The following KIF13A variants were observed in gnomAD, a reference collection of about 807,000 sequenced individuals.
KIF13A encodes the protein kinesin family member 13A, also known as kinesin-like protein KIF13A.
KIF13A carries 79 observed loss-of-function variants against 212.2 expected under a neutral mutation model. That is an observed-to-expected ratio of 0.37 (90% CI 0.31 to 0.45). The LOEUF is 0.45. Among genes scored for constraint, KIF13A ranks in the 20% least tolerant of loss-of-function variants. The probability of loss-of-function intolerance (pLI) is 1.00; values close to 1 mark genes in which losing one functional copy is unlikely to be tolerated. For synonymous variants in KIF13A, 789 were observed against 808.6 expected, an observed-to-expected ratio of 0.98 and a Z score of 0.41; for missense variants, 1,901 against 2,209.0, an observed-to-expected ratio of 0.86 and a Z score of 2.79.
Position 17,809,801 on chromosome 6 carries a change from C to T in KIF13A, c.2001-871G>A, listed in dbSNP as rs182195901. On this transcript the variant is annotated intron_variant, in intron 17 of 38. Transcript: ENST00000259711. The surrounding 1 kb of genome is among the most constrained non-coding windows in gnomAD (Gnocchi z 4.7). The stretch of plus-strand genomic sequence containing the variant: ...CTTCTCTTTTCCACCATTTATACGC[C>T]GCAGGAAATGCTTACATCATAGAAA... Among the ~76,000 whole-genome samples, 5 of 152,156 alleles carry T rather than the reference C, an allele frequency of 3.3e-5. No individual in the cohort carries two copies. The highest frequency in any genetic ancestry group is 7.3e-5 in the Non-Finnish European group (5 of 68,038).
rs562009613 is a variant in KIF13A, at chr6:17,897,994, T to C, written c.159+174A>G. On this transcript the variant is annotated intron_variant, in intron 3 of 38. Transcript: ENST00000259711. This position sits in a 1 kb window ranked among gnomAD's most constrained non-coding sequence, Gnocchi z 4.8. The stretch of plus-strand genomic sequence containing the variant: ...GTGAAAGTGCTCTGTCAATGTAGAG[T>C]GACACTCTAACTTTATGTTAACACT... Among the ~76,000 whole-genome samples, 1 of 152,314 alleles carries C rather than the reference T, an allele frequency of 6.6e-6. No individual in the cohort carries two copies. The highest frequency in any genetic ancestry group is 2.1e-4 in the South Asian group (1 of 4,832).
intron 2 of KIF13A, among the ~76,000 whole-genome samples, chr6:17,923,788 A>G (rs1053890879): frequency 1.3e-5 from 2 of 152,158 alleles, no homozygotes; most frequent in African/African-American, 4.8e-5. Context: ...CCTTTTCACC[A>G]GTGTCTGAGC....
At chr6:17,979,721 T>A in intron 2 of KIF13A, among the ~76,000 whole-genome samples, 1 of 150,248 alleles carries the variant, frequency 6.7e-6, no homozygotes, top group Non-Finnish European at 1.5e-5. Context: ...ATCATTAATG[T>A]CCTCAGAGAA....
At position 17,839,874 on chromosome 6, in the gene KIF13A, C is replaced by G. The variant is rs142831592; in HGVS notation, c.831-2291G>C. 7.6e-4 allele frequency among the ~76,000 whole-genome samples: 115 copies of G among 152,196 alleles called. No individual in the cohort carries two copies. The highest frequency in any genetic ancestry group is 2.6e-3 in the African/African-American group (106 of 41,528). ...TCTGACCTGCTAAGAGGGAACAAAC[C>G]CTGCTGACCCCTTGATTTCAGATTT... is the stretch of plus-strand genomic sequence containing the variant. On this transcript the variant is annotated intron_variant, in intron 9 of 38. Coordinates refer to ENST00000259711, the MANE Select transcript of KIF13A (RefSeq NM_022113.6). The surrounding 1 kb of genome is among the most constrained non-coding windows in gnomAD (Gnocchi z 4.3).
chr6:17,826,612 C>T lies in KIF13A; in HGVS notation c.1533-488G>A, dbSNP rs1056509246. Among the ~76,000 whole-genome samples the T allele has an allele frequency of 3.3e-5, 5 of 151,936 alleles. No individual in the cohort carries two copies. Among genetic ancestry groups the T allele is most frequent in the Admixed American group, 2.0e-4 (3 of 15,238 alleles). On this transcript the variant is annotated intron_variant, in intron 14 of 38. Transcript: ENST00000259711. This position sits in a 1 kb window ranked among gnomAD's most constrained non-coding sequence, Gnocchi z 4.7. ...AGGGATAAACAGACACACACACACACAGAAGAGAGGAAGAGGAAACCCATT... is the reference window on the plus strand; with the variant it reads ...AGGGATAAACAGACACACACACACATAGAAGAGAGGAAGAGGAAACCCATT...
downstream of KIF13A, among the ~76,000 whole-genome samples, chr6:17,763,475 C>CAAAAAAAAAAAAAAA (rs67357010): frequency 2.6e-5 from 2 of 75,768 alleles, no homozygotes; most frequent in Admixed American, 1.8e-4. Context: ...CACTCCATCT[C>CAAAAAAAAAAAAAAA]AAAAAAAAAA....
At chr6:17,903,865 C>A (rs1051268054) in intron 2 of KIF13A, among the ~76,000 whole-genome samples, 2 of 152,050 alleles carry the variant, frequency 1.3e-5, no homozygotes, top group South Asian at 2.1e-4. Context: ...AGTTGCCAGG[C>A]GGCGTGGCTC....
At position 17,777,530 on chromosome 6, in the gene KIF13A, G is replaced by A. The variant is rs1005184045; in HGVS notation, c.4093-176C>T. 2.0e-5 allele frequency among the ~76,000 whole-genome samples: 3 copies of A among 151,842 alleles called. No individual in the cohort carries two copies. The highest frequency in any genetic ancestry group is 4.2e-4 in the South Asian group (2 of 4,804). On this transcript the variant is annotated intron_variant, in intron 33 of 38. Transcript: ENST00000259711. The surrounding 1 kb of genome is among the most constrained non-coding windows in gnomAD (Gnocchi z 4.4). ...TGAGTAGCTGGGACTACAGGTGCAC[G>A]CCACCACACTCGGCTAATTTTTTTT...
intron 2 of KIF13A, among the ~76,000 whole-genome samples, chr6:17,906,701 C>T (rs1296389655): frequency 6.6e-6 from 1 of 152,100 alleles, no homozygotes; most frequent in African/African-American, 2.4e-5. Context: ...CCTCTTGCCT[C>T]AGCCTCTCAA....
chr6:17,891,943 T>C (rs1174500335), intron 3 of KIF13A, among the ~76,000 whole-genome samples: 1 of 152,160 alleles, frequency 6.6e-6, no homozygotes, highest in African/African-American at 2.4e-5. Flanking sequence ...TCTCATGTCT[T>C]CTATTCCACT....
chr6:17,808,679 A>G, intron 18 of KIF13A, 89 bp downstream of exon 18: 1 of 1,246,948 alleles, frequency 8.0e-7, no homozygotes, highest in Non-Finnish European at 1.1e-6. Context: ...GGATCTCCTC[A>G]GGCATGTTTC....
Position 17,777,666 on chromosome 6 carries a change from G to A in KIF13A, c.4093-312C>T, listed in dbSNP as rs900361421. Among the ~76,000 whole-genome samples, 4 of 152,106 alleles carry A rather than the reference G, an allele frequency of 2.6e-5. No individual in the cohort carries two copies. Among genetic ancestry groups the A allele is most frequent in the African/African-American group, 9.7e-5 (4 of 41,424 alleles). ...CCCAAAGTGTTAGGATTACAGGCGT[G>A]AGCCACCGCACCCGGCCATTACTTT... On this transcript the variant is annotated intron_variant, in intron 33 of 38. Coordinates refer to ENST00000259711, the MANE Select transcript of KIF13A (RefSeq NM_022113.6). The surrounding 1 kb of genome is among the most constrained non-coding windows in gnomAD (Gnocchi z 4.4).
At position 17,895,767 on chromosome 6, in the gene KIF13A, CT is replaced by C. The variant is rs1772503687; in HGVS notation, c.159+2400del. ...TCTAAATTTTTACCTCTTTCTGGAT[CT>C]TGGTCTAGTAATTCCTCACTAACTT... On this transcript the variant is annotated intron_variant, in intron 3 of 38. Coordinates refer to ENST00000259711, the MANE Select transcript of KIF13A (RefSeq NM_022113.6). This position sits in a 1 kb window ranked among gnomAD's most constrained non-coding sequence, Gnocchi z 4.4. 6.6e-6 allele frequency among the ~76,000 whole-genome samples: 1 copy of C among 152,186 alleles called. No homozygotes were observed. Among genetic ancestry groups the C allele is most frequent in the South Asian group, 2.1e-4 (1 of 4,836 alleles).
At chr6:17,821,552 G>GTGTGTGTGTGT (rs1554172080) in intron 16 of KIF13A, among the ~76,000 whole-genome samples, 23 of 112,094 alleles carry the variant, frequency 2.1e-4, no homozygotes, top group African/African-American at 6.7e-4. Context: ...ATTGGGACAT[G>GTGTGTGTGTGT]GTGTGTGTGT....
chr6:17,855,988 G>T lies in KIF13A; in HGVS notation c.313+42C>A. The T allele has an allele frequency of 7.4e-7, 1 of 1,349,824 alleles. No individual in the cohort carries two copies. The highest frequency in any genetic ancestry group is 1.1e-6 in the Non-Finnish European group (1 of 944,472). 83.6% of individuals were successfully genotyped at this position (1,349,824 alleles called of 1,614,324 possible). A position where few individuals can be genotyped will look rare whatever the true frequency, so the allele number is the denominator to read the frequency against. On this transcript the variant is annotated intron_variant, in intron 5 of 38. Transcript: ENST00000259711. The surrounding 1 kb of genome is among the most constrained non-coding windows in gnomAD (Gnocchi z 4.1). ...AGCCTCACCAAGTCCTGGGATTATA[G>T]GCATGATCCCCCACATCTGGTCTAT...
At chr6:17,890,504 A>C (rs1469890139) in intron 3 of KIF13A, among the ~76,000 whole-genome samples, 2 of 152,170 alleles carry the variant, frequency 1.3e-5, no homozygotes, top group East Asian at 3.9e-4. Context: ...TAGAGCATAC[A>C]TAATGGCATA....
At chr6:17,821,713 G>A in intron 16 of KIF13A, 3 of 1,491,536 alleles carry the variant, frequency 2.0e-6, no homozygotes, top group South Asian at 1.3e-5. Context: ...AAAGCATGGA[G>A]CATGAGCATC....
At chr6:17,950,219 T>C (rs1777736290) in intron 2 of KIF13A, among the ~76,000 whole-genome samples, 1 of 152,160 alleles carries the variant, frequency 6.6e-6, no homozygotes, top group African/African-American at 2.4e-5. Context: ...GTATCTGATT[T>C]TTCCTGTTGA....
At chr6:17,882,724 G>A (rs1028004898) in intron 3 of KIF13A, among the ~76,000 whole-genome samples, 2 of 152,050 alleles carry the variant, frequency 1.3e-5, no homozygotes, top group East Asian at 3.9e-4. Context: ...ACCACGCCTG[G>A]CTAATTTTTG....
Sources: allele counts gnomAD v4.1 joint callset (sites outside exome capture counted in the v4.1 genomes callset), GRCh38; gene constraint gnomAD v4.1.1; non-coding constraint Gnocchi (gnomAD v3.1); transcripts MANE v1.5; gene names NCBI Gene and HGNC (gene_info 2026-07-23, HGNC 2026-07-21).